Variants in MTCL1 observed in about 807,000 individuals in gnomAD.
MTCL1 encodes the protein microtubule cross-linking factor 1.
A neutral mutation model predicts 141.4 loss-of-function variants in MTCL1; 79 were observed. The ratio of observed to expected loss-of-function variants is 0.56; its 90% confidence interval spans 0.47 to 0.67. MTCL1 has a LOEUF of 0.67. Ranked by LOEUF, MTCL1 falls within the 30% of genes least tolerant of loss-of-function variation. MTCL1 has a pLI of 0.00. For synonymous variants in MTCL1, 914 were observed against 875.8 expected (o/e 1.04, Z -0.77); for missense variants, 2,177 against 2,113.9 (o/e 1.03, Z -0.59).
At chr18:8,737,719 T>TG (rs1022880875) in intron 4 of MTCL1, among the ~76,000 whole-genome samples, 5 of 152,040 alleles carry the variant, frequency 3.3e-5, no homozygotes, top group Non-Finnish European at 7.4e-5. Flanking sequence ...GACATACCCA[T>TG]GGGGGGAAAG....
chr18:8,776,517 C>A (rs2096509451), intron 4 of MTCL1, among the ~76,000 whole-genome samples: 1 of 152,118 alleles, frequency 6.6e-6, no homozygotes, highest in African/African-American at 2.4e-5. Context: ...AGGCAGGGTT[C>A]CCAGGCACTG....
At chr18:8,736,635 ATTTT>A (rs34650032) in intron 4 of MTCL1, among the ~76,000 whole-genome samples, 4 of 117,626 alleles carry the variant, frequency 3.4e-5, no homozygotes, top group Admixed American at 9.1e-5. Context: ...ATATCCATGT[ATTTT>A]TTTTTTTTTT....
chr18:8,756,385 A>G (rs539807569), intron 4 of MTCL1, among the ~76,000 whole-genome samples: 20 of 150,708 alleles, frequency 1.3e-4, no homozygotes, highest in Non-Finnish European at 2.1e-4. Context: ...ATATGTATAT[A>G]TGTGTATATA....
chr18:8,804,986 C>A (rs1483334287), intron 10 of MTCL1, among the ~76,000 whole-genome samples: 67 of 115,510 alleles, frequency 5.8e-4, no homozygotes, highest in African/African-American at 1.8e-3. Flanking sequence ...GACCTTGCCT[C>A]AAAAAAAAAA....
chr18:8,726,819 C>T (rs1035076628), intron 4 of MTCL1, among the ~76,000 whole-genome samples: 7 of 152,074 alleles, frequency 4.6e-5, no homozygotes, highest in South Asian at 2.1e-4. Flanking sequence ...ATTTTAGATT[C>T]GGAGGCATGT....
At chr18:8,714,967 T>G (rs2096118933), upstream of MTCL1, among the ~76,000 whole-genome samples, 1 of 152,160 alleles carries the variant, frequency 6.6e-6, no homozygotes, top group African/African-American at 2.4e-5. Context: ...TGGCTAATTT[T>G]TTTTATTTTT....
chr18:8,821,025 G>A (rs1408037561), intron 13 of MTCL1, among the ~76,000 whole-genome samples: 4 of 152,148 alleles, frequency 2.6e-5, no homozygotes, highest in Non-Finnish European at 5.9e-5. Context: ...CAGCAAGATC[G>A]GGACCACTAA....
chr18:8,714,982 G>C (rs1273364927), upstream of MTCL1, among the ~76,000 whole-genome samples: 1 of 152,054 alleles, frequency 6.6e-6, no homozygotes, highest in Non-Finnish European at 1.5e-5. Context: ...ATTTTTAGTA[G>C]AGACAGGGTT....
intron 6 of MTCL1, among the ~76,000 whole-genome samples, 159 bp downstream of exon 5, chr18:8,785,002 G>T (rs2096546543): frequency 6.8e-6 from 1 of 146,766 alleles, no homozygotes; most frequent in South Asian, 2.2e-4. Flanking sequence ...CTCTCTCTTG[G>T]TTGGGCTCCG....
In MTCL1 at chr18:8,706,056, GGC is replaced by G; in HGVS notation, c.402_403del (p.Val135GlyfsTer79). On this transcript the variant is annotated frameshift_variant, in exon 1 of 14. Coordinates refer to the MTCL1 transcript ENST00000306329. LOFTEE classifies it high-confidence loss of function. ...AGGCTGCCCTGGGAAGCAGGAGGGCGGCGCGCGTGGCGCCCGCGGAGCCGCTG... is the reference window on the plus strand; with the variant it reads ...AGGCTGCCCTGGGAAGCAGGAGGGCGGCGCGTGGCGCCCGCGGAGCCGCTG... The G allele has an allele frequency of 8.4e-7, 1 of 1,189,136 alleles. No individual in the cohort carries two copies. Among genetic ancestry groups the G allele is most frequent in the Non-Finnish European group, 1.0e-6 (1 of 961,144 alleles). The allele number at this position is 1,189,136 out of a possible 1,614,324, so 73.7% of individuals were successfully genotyped here.
At chr18:8,727,304 A>T (rs2096222297) in intron 4 of MTCL1, among the ~76,000 whole-genome samples, 2 of 152,148 alleles carry the variant, frequency 1.3e-5, no homozygotes, top group South Asian at 4.1e-4. Context: ...TTTTGGGTAG[A>T]TGCACATTAA....
chr18:8,710,156 A>T (rs1007453736), intron 1 of MTCL1, among the ~76,000 whole-genome samples: 1 of 152,080 alleles, frequency 6.6e-6, no homozygotes, highest in Non-Finnish European at 1.5e-5. Flanking sequence ...GTATTTTTTT[A>T]AATAGTCAGT....
chr18:8,753,616 G>T (rs2096382831), intron 4 of MTCL1, among the ~76,000 whole-genome samples: 1 of 152,200 alleles, frequency 6.6e-6, no homozygotes, highest in African/African-American at 2.4e-5. Flanking sequence ...CCTGATGTGA[G>T]CTGTGGTGTC....
chr18:8,747,710 C>T (rs180800367), intron 4 of MTCL1, among the ~76,000 whole-genome samples: 70 of 152,336 alleles, frequency 4.6e-4, no homozygotes, highest in Middle Eastern at 6.8e-3. Context: ...GGAAATAGTT[C>T]AGCCCACAAC....
Position 8,796,465 on chromosome 18 carries a change from A to G in MTCL1, c.2241+3A>G, listed in dbSNP as rs1305919416. On this transcript the variant is annotated splice_donor_region_variant and intron_variant, in intron 9 of 16. Coordinates refer to ENST00000359865, the Ensembl canonical transcript of MTCL1. ...AGGAAGGAGAGGAGTTCACTGAGGT[A>G]ACTCCACTGTCGAATTCCTTTTATT... is the stretch of plus-strand genomic sequence containing the variant. 2 of 1,614,080 alleles carry G rather than the reference A, an allele frequency of 1.2e-6. No individual in the cohort carries two copies. The highest frequency in any genetic ancestry group is 2.2e-5 in the South Asian group (2 of 91,050).
intron 4 of MTCL1, among the ~76,000 whole-genome samples, chr18:8,747,237 C>T (rs1388818474): frequency 6.6e-6 from 1 of 152,210 alleles, no homozygotes; most frequent in South Asian, 2.1e-4. Context: ...GAACCTGAAG[C>T]TTATTCTTTC....
At chr18:8,710,837 C>CT (rs59041416) in intron 1 of MTCL1, among the ~76,000 whole-genome samples, 96 of 80,926 alleles carry the variant, frequency 1.2e-3, no homozygotes, top group African/African-American at 1.4e-3. Flanking sequence ...GGAAGGCTTT[C>CT]TTTTTTTTTT....
Position 8,726,524 on chromosome 18 carries a change from AGAGCGAGTGCGCATGCGCGC to A in MTCL1, c.357+6030_357+6049del, listed in dbSNP as rs1567945242. 8.0e-3 allele frequency among the ~76,000 whole-genome samples: 919 copies of A among 115,562 alleles called. 9 individuals are homozygous for A. Among genetic ancestry groups the A allele is most frequent in the Middle Eastern group, 0.031 (8 of 254 alleles). 75.8% of individuals were successfully genotyped at this position (115,562 alleles called of 152,430 possible). On this transcript the variant is annotated intron_variant, in intron 4 of 16. Transcript: ENST00000359865. ...GCGCGCGCGCAAGAGCGAGCGAGAG[AGAGCGAGTGCGCATGCGCGC>A]GCGCAACAAGCAATGTTCTGGTGTT... is the stretch of plus-strand genomic sequence containing the variant.
intron 15 of MTCL1, among the ~76,000 whole-genome samples, chr18:8,827,741 T>G (rs555574488): frequency 7.9e-5 from 12 of 152,330 alleles, no homozygotes; most frequent in Non-Finnish European, 1.6e-4. Context: ...TCTGTTTATA[T>G]TACACACCAA....
Sources: allele counts gnomAD v4.1 joint callset (sites outside exome capture counted in the v4.1 genomes callset), GRCh38; gene constraint gnomAD v4.1.1; transcripts MANE v1.5; gene names NCBI Gene and HGNC (gene_info 2026-07-23, HGNC 2026-07-21).